Variants in PHTF1 observed in about 807,000 individuals in gnomAD.
PHTF1 encodes the protein protein PHTF1.
In PHTF1, 88 loss-of-function variants were observed where a neutral mutation model predicts 102.4. The observed-to-expected ratio is 0.86, with a 90% CI of 0.72 to 1.03. The LOEUF (loss-of-function observed/expected upper bound fraction) is 1.03, where lower values mean the gene tolerates loss of function less well. Among genes scored for constraint, PHTF1 ranks in the 50% least tolerant of loss-of-function variants. The pLI is 0.00. For synonymous variants in PHTF1, 289 were observed against 305.2 expected, an observed-to-expected ratio of 0.95 and a Z score of 0.55; for missense variants, 814 against 909.5, an observed-to-expected ratio of 0.89 and a Z score of 1.35.
intron 3 of PHTF1, among the ~76,000 whole-genome samples, chr1:113,755,729 G>T (rs2101734255): frequency 6.6e-6 from 1 of 152,208 alleles, no homozygotes; most frequent in East Asian, 1.9e-4. Flanking sequence ...GCACTAAAAG[G>T]AAGGTATGTA....
chr1:113,740,343 T>C (rs934954788), intron 3 of PHTF1, among the ~76,000 whole-genome samples: 4 of 152,210 alleles, frequency 2.6e-5, no homozygotes, highest in African/African-American at 9.6e-5. Context: ...CATTTTTTCA[T>C]ATACCTGTTT....
At chr1:113,701,861 C>G (rs1445631915) in intron 15 of PHTF1, among the ~76,000 whole-genome samples, 2 of 50,748 alleles carry the variant, frequency 3.9e-5, no homozygotes, top group Non-Finnish European at 8.2e-5. Context: ...AAAAAAAAAT[C>G]ATTCAGAAGT....
At chr1:113,754,055 T>C (rs531290844) in intron 3 of PHTF1, among the ~76,000 whole-genome samples, 1 of 152,312 alleles carries the variant, frequency 6.6e-6, no homozygotes, top group Non-Finnish European at 1.5e-5. Flanking sequence ...GTAATTTGCA[T>C]TTATTAGAAG....
chr1:113,747,552 C>T (rs899018830), intron 3 of PHTF1, among the ~76,000 whole-genome samples: 1 of 152,178 alleles, frequency 6.6e-6, no homozygotes, highest in Non-Finnish European at 1.5e-5. Flanking sequence ...GCTGTGTTGG[C>T]TGTCCTGTTT....
chr1:113,706,848 T>TTTA, intron 11 of PHTF1, 126 bp from the exon 12 acceptor site: 2 of 505,498 alleles, frequency 4.0e-6, no homozygotes, highest in South Asian at 2.9e-5. Flanking sequence ...CCTTTCTTTC[T>TTTA]TTCTTTTTTT....
chr1:113,714,929 G>A (rs931561939), intron 7 of PHTF1: 2 of 152,322 alleles, frequency 1.3e-5, no homozygotes, highest in Non-Finnish European at 1.5e-5. Flanking sequence ...AGCACAGAGA[G>A]AAAGAGACTC....
intron 5 of PHTF1, among the ~76,000 whole-genome samples, chr1:113,728,638 G>C (rs1045766381): frequency 6.6e-6 from 1 of 152,250 alleles, no homozygotes; most frequent in Non-Finnish European, 1.5e-5. Context: ...GTTGGGCACT[G>C]TGGCTCATGC....
At chr1:113,734,124 G>A (rs981582988) in intron 5 of PHTF1, among the ~76,000 whole-genome samples, 2 of 152,144 alleles carry the variant, frequency 1.3e-5, no homozygotes, top group Non-Finnish European at 2.9e-5. Context: ...GTCAGGCATG[G>A]TGGCAGGTGC....
rs1243130309 is a variant in PHTF1 at position 113,710,416 on chromosome 1, T to A, written c.1107A>T (p.Ser369=). The A allele has an allele frequency of 6.2e-7, 1 of 1,614,034 alleles. No individual in the cohort carries two copies. Among genetic ancestry groups the A allele is most frequent in the African/African-American group, 1.3e-5 (1 of 74,938 alleles). The change falls in exon 11 of 19, where the codon TCA becomes TCT. Residue 369 remains serine (S), a synonymous_variant. Transcript: ENST00000369604. ...TCTCCGAGTCATGGCGGGTGCTTTC[T>A]GAGTCTCTTCTTGACATGTTGAGGC... ...SRSLNMSRRD[S]ESTRHDSETE...
rs767797978 is a variant in PHTF1, at chr1:113,698,303, C to G, written c.2227G>C (p.Val743Leu). Residue 743 changes from valine to leucine, a missense_variant, in exon 18 of 19, where the codon GTC (valine) becomes CTC (leucine). By Grantham distance (32) the Val-to-Leu change is conservative (BLOSUM62 1). Transcript: ENST00000369604. ...NITRVVILSA[V>L]SGVISDLLGF... ...AGAAGATCACTTATAACACCTGAGA[C>G]AGCAGAAAGGATAACTACTCTTGTG... is the stretch of plus-strand genomic sequence containing the variant. 6.2e-7 allele frequency: 1 copy of G among 1,608,672 alleles called. No individual in the cohort carries two copies. Among genetic ancestry groups the G allele is most frequent in the African/African-American group, 1.3e-5 (1 of 74,796 alleles).
At chr1:113,725,287 T>A (rs1030986087) in intron 6 of PHTF1, 1 of 154,252 alleles carries the variant, frequency 6.5e-6, no homozygotes, top group African/African-American at 2.4e-5. Flanking sequence ...TAGTAGCAAC[T>A]GATCACTTTT....
At position 113,699,107 on chromosome 1, in the gene PHTF1, C is replaced by T. The variant is rs920488975; in HGVS notation, c.2142+597G>A. 3 of 162,306 alleles carry T rather than the reference C, an allele frequency of 1.8e-5. No individual in the cohort carries two copies. In the East Asian group the frequency reaches 5.7e-4, roughly 31 times the overall value. 10.1% of individuals were successfully genotyped at this position (162,306 alleles called of 1,614,324 possible). ...GTCAAAGTGCAGCAGTGGTGGGTAA[C>T]CACCATCAGCAGCAGGTTCCTGGGC... On this transcript the variant is annotated intron_variant, in intron 17 of 18. Coordinates refer to ENST00000369604, the MANE Select transcript of PHTF1 (RefSeq NM_001323043.2).
intron 15 of PHTF1, 149 bp from the exon 16 acceptor site, chr1:113,701,098 C>T: frequency 1.6e-6 from 1 of 632,198 alleles, no homozygotes; most frequent in Non-Finnish European, 2.7e-6. Flanking sequence ...TAACTATTAC[C>T]TATTTATTTA....
At chr1:113,738,580 G>C in intron 4 of PHTF1, 150 bp downstream of exon 4, 6 of 608,568 alleles carry the variant, frequency 9.9e-6, no homozygotes, top group Non-Finnish European at 8.8e-6. Flanking sequence ...ACAGTACTAA[G>C]AGGTGGAAAA....
chr1:113,758,889 C>T, intron 1 of PHTF1, 134 bp downstream of exon 1: 1 of 1,271,234 alleles, frequency 7.9e-7, no homozygotes, highest in Non-Finnish European at 1.0e-6. Context: ...CAAAAAAAAA[C>T]TGGCGCAGCG....
At chr1:113,706,242 A>T in intron 12 of PHTF1, 80 bp from the exon 13 acceptor site, 1 of 1,180,352 alleles carries the variant, frequency 8.5e-7, no homozygotes, top group Non-Finnish European at 1.2e-6. Context: ...AACACTATTT[A>T]GACTATTAAA....
Position 113,752,385 on chromosome 1 carries a change from A to ATTTT in PHTF1, c.102+5310_102+5313dup, listed in dbSNP as rs774522219. Among the ~76,000 whole-genome samples, 55 of 47,904 alleles carry ATTTT rather than the reference A, an allele frequency of 1.1e-3. 6 individuals are homozygous for ATTTT. The highest frequency in any genetic ancestry group is 1.3e-3 in the Non-Finnish European group (35 of 26,436). 31.4% of individuals were successfully genotyped at this position (47,904 alleles called of 152,430 possible). ...CTTGCCACATTCATTTGTTACTGTA[A>ATTTT]TTTTTTTTTTTTTTTTTTTTTTTTT... is the stretch of plus-strand genomic sequence containing the variant. On this transcript the variant is annotated intron_variant, in intron 3 of 18. Transcript: ENST00000369604.
At chr1:113,712,169 C>A in intron 8 of PHTF1, 56 bp from the exon 9 acceptor site, 3 of 1,412,982 alleles carry the variant, frequency 2.1e-6, no homozygotes, top group Non-Finnish European at 2.9e-6. Flanking sequence ...TTCTAATAAG[C>A]TGCATGTGTA....
In PHTF1 at chr1:113,706,141, C is replaced by G; in HGVS notation, c.1420G>C (p.Val474Leu). 2 of 1,612,556 alleles carry G rather than the reference C, an allele frequency of 1.2e-6. No homozygotes were observed. The highest frequency in any genetic ancestry group is 1.7e-6 in the Non-Finnish European group (2 of 1,179,104). The change falls in exon 13 of 19, where the codon GTA becomes CTA. Residue 474 changes from valine (V) to leucine (L), a missense_variant. Val to Leu is a conservative substitution (Grantham distance 32). Coordinates refer to ENST00000369604, the MANE Select transcript of PHTF1 (RefSeq NM_001323043.2). ...ACATTTCCCAGCATCTGATAACCTA[C>G]TCCTTGCTGATAGGCATTGACCTGT... Reference protein sequence around the residue: ...MSRVNAYQQGVGYQMLGNVVT... With the variant: ...MSRVNAYQQGLGYQMLGNVVT...
Sources: allele counts gnomAD v4.1 joint callset (sites outside exome capture counted in the v4.1 genomes callset), GRCh38; gene constraint gnomAD v4.1.1; transcripts MANE v1.5; gene names NCBI Gene and HGNC (gene_info 2026-07-23, HGNC 2026-07-21).